TMEM140: variants seen among roughly 807,000 people sequenced by gnomAD.
TMEM140 encodes the protein transmembrane protein 140.
For missense variants in TMEM140, 236 were observed against 228.5 expected, an observed-to-expected ratio of 1.03 and a Z score of -0.21; for synonymous variants, 107 against 106.8, an observed-to-expected ratio of 1.00 and a Z score of -0.01.
In TMEM140 at chr7:135,161,769, C is replaced by T. The variant is rs1829945360; in HGVS notation, c.-24-2649C>T. 6.6e-6 allele frequency among the ~76,000 whole-genome samples: 1 copy of T among 152,210 alleles called. No homozygotes were observed. Among genetic ancestry groups the T allele is most frequent in the African/African-American group, 2.4e-5 (1 of 41,464 alleles). On this transcript the variant is annotated intron_variant, in intron 1 of 1. Transcript: ENST00000275767. The surrounding 1 kb of genome is among the most constrained non-coding windows in gnomAD (Gnocchi z 4.1). ...TCTTCAGACCCTTGGCCCTCTGGGA[C>T]CTCCAGAGCCTTTGACAGTGCCACC...
rs145425395 is a variant in TMEM140 at position 135,165,095 on chromosome 7, T to C, written c.*96T>C. 1.3e-4 allele frequency: 180 copies of C among 1,418,754 alleles called. No homozygotes were observed. The highest frequency in any genetic ancestry group is 1.6e-4 in the Non-Finnish European group (172 of 1,057,552). 87.9% of individuals were successfully genotyped at this position (1,418,754 alleles called of 1,614,324 possible). A position where few individuals can be genotyped will look rare whatever the true frequency, so the allele number is the denominator to read the frequency against. ...TTTACAGCTAACGCTGATCTCCAGCTCCAGCGATGGAACCCACTACAGAGG... is the reference window on the plus strand; with the variant it reads ...TTTACAGCTAACGCTGATCTCCAGCCCCAGCGATGGAACCCACTACAGAGG... On this transcript the variant is annotated 3_prime_UTR_variant, in exon 2 of 2. Coordinates refer to ENST00000275767, the MANE Select transcript of TMEM140 (RefSeq NM_018295.5).
At chr7:135,155,553 G>A (rs1040709117) in intron 1 of TMEM140, among the ~76,000 whole-genome samples, 1 of 152,162 alleles carries the variant, frequency 6.6e-6, no homozygotes, top group African/African-American at 2.4e-5. Flanking sequence ...TTTTGGCTGG[G>A]CATCGTGGCT....
At chr7:135,153,728 T>C (rs1202990305) in intron 1 of TMEM140, among the ~76,000 whole-genome samples, 1 of 152,170 alleles carries the variant, frequency 6.6e-6, no homozygotes, top group African/African-American at 2.4e-5. Flanking sequence ...TGATGTGCCA[T>C]TGGATTTGAT....
rs776967484 is a variant in TMEM140 at position 135,164,655 on chromosome 7, G to A, written c.214G>A (p.Ala72Thr). Residue 72 changes from alanine to threonine, a missense_variant, in exon 2 of 2, where the codon GCC becomes ACC. By Grantham distance (58) the Ala-to-Thr change is moderately conservative. Transcript: ENST00000275767. ...GTGTCACCAGTTCCCTGAGCTGGAA[G>A]CCCTGGGGGTGCCTCGGGTTGGCCT... is the stretch of plus-strand genomic sequence containing the variant. ...LQCHQFPELE[A>T]LGVPRVGLGL... is the part of the protein sequence containing the mutation. 3 of 1,613,264 alleles carry A rather than the reference G, an allele frequency of 1.9e-6. No homozygotes were observed. The highest frequency in any genetic ancestry group is 4.5e-5 in the East Asian group (2 of 44,824).
intron 1 of TMEM140, among the ~76,000 whole-genome samples, chr7:135,163,713 A>T (rs1231727984): frequency 2.0e-5 from 3 of 152,234 alleles, no homozygotes; most frequent in Non-Finnish European, 4.4e-5. Flanking sequence ...AGGAAAAAAT[A>T]TGTATTAGTT....
In TMEM140 at chr7:135,164,878, T is replaced by A; in HGVS notation, c.437T>A (p.Leu146His). 6.2e-7 allele frequency: 1 copy of A among 1,614,178 alleles called. No individual in the cohort carries two copies. Among genetic ancestry groups the A allele is most frequent in the Non-Finnish European group, 8.5e-7 (1 of 1,180,018 alleles). Residue 146 changes from leucine to histidine, a missense_variant, in exon 2 of 2, where the codon CTC (leucine) becomes CAC (histidine). Coordinates refer to ENST00000275767, the MANE Select transcript of TMEM140 (RefSeq NM_018295.5). ...SYVWKWVRLSLPGPGFLALGS... is the reference protein window; with the variant it reads ...SYVWKWVRLSHPGPGFLALGS... ...GTGTGGAAGTGGGTCAGGCTCTCCC[T>A]CCCGGGGCCTGGGTTTCTAGCTCTG...
In TMEM140 at chr7:135,164,775, G is replaced by A. The variant is rs765869187; in HGVS notation, c.334G>A (p.Ala112Thr). The A allele has an allele frequency of 6.2e-7, 1 of 1,614,230 alleles. No homozygotes were observed. Among genetic ancestry groups the A allele is most frequent in the Non-Finnish European group, 8.5e-7 (1 of 1,180,028 alleles). Residue 112 changes from alanine to threonine, a missense_variant, in exon 2 of 2, where the codon GCG (alanine) becomes ACG (threonine). Transcript: ENST00000275767. ...AGCCCAGTGCAACAGTGATGAGAGA[G>A]CGTGGCGGCTGGCAGTGGGCTTCCT... ...LLAQCNSDER[A>T]WRLAVGFLAV...
At chr7:135,162,336 C>A (rs1178754096) in intron 1 of TMEM140, among the ~76,000 whole-genome samples, 1 of 152,220 alleles carries the variant, frequency 6.6e-6, no homozygotes, top group Non-Finnish European at 1.5e-5. Flanking sequence ...TTCCAGGAGG[C>A]CATTTGGTAT....
chr7:135,153,286 T>G (rs1253107127), intron 1 of TMEM140, among the ~76,000 whole-genome samples: 1 of 151,788 alleles, frequency 6.6e-6, no homozygotes, highest in East Asian at 1.9e-4. Context: ...AAACCCTGTC[T>G]CTACTAAAAA....
chr7:135,155,910 C>G (rs1829780742), intron 1 of TMEM140, among the ~76,000 whole-genome samples: 1 of 152,186 alleles, frequency 6.6e-6, no homozygotes, highest in South Asian at 2.1e-4. Context: ...TGAGCATTTC[C>G]TGTAGTACCA....
At chr7:135,160,958 G>A (rs957416201) in intron 1 of TMEM140, among the ~76,000 whole-genome samples, 9 of 152,176 alleles carry the variant, frequency 5.9e-5, no homozygotes, top group Admixed American at 5.2e-4. Flanking sequence ...CTGAGGATGG[G>A]CAGATGGGAA....
intron 1 of TMEM140, among the ~76,000 whole-genome samples, chr7:135,155,933 C>A (rs886664034): frequency 6.6e-6 from 1 of 152,198 alleles, no homozygotes; most frequent in Non-Finnish European, 1.5e-5. Flanking sequence ...CTAGTGGTGA[C>A]AAATTCCCTC....
chr7:135,148,414 C>T (rs1277786962), intron 1 of TMEM140, 144 bp downstream of exon 1: 3 of 307,800 alleles, frequency 9.7e-6, no homozygotes, highest in African/African-American at 2.2e-5. Flanking sequence ...GACCCTCCCT[C>T]GCTCATGTCT....
At chr7:135,152,778 G>A (rs2348288) in intron 1 of TMEM140, 73,795 of 152,052 alleles carry the variant, frequency 0.49, 18,272 homozygotes, top group South Asian at 0.65. Context: ...TGGCTTACCT[G>A]TTTTTTCTTT....
intron 1 of TMEM140, among the ~76,000 whole-genome samples, chr7:135,162,651 TG>T (rs886619571): frequency 6.6e-6 from 1 of 152,150 alleles, no homozygotes; most frequent in African/African-American, 2.4e-5. Flanking sequence ...GAGTACAGTA[TG>T]GGGGAAACCC....
intron 1 of TMEM140, among the ~76,000 whole-genome samples, chr7:135,159,280 C>T (rs1294413883): frequency 6.6e-6 from 1 of 152,212 alleles, no homozygotes; most frequent in East Asian, 1.9e-4. Context: ...GTTTAGATAG[C>T]CATCTTGATC....
At position 135,160,431 on chromosome 7, in the gene TMEM140, G is replaced by C. The variant is rs117471925; in HGVS notation, c.-24-3987G>C. 1.8e-3 allele frequency among the ~76,000 whole-genome samples: 278 copies of C among 152,316 alleles called. 3 individuals carry two copies. Among genetic ancestry groups the C allele is most frequent in the Non-Finnish European group, 2.7e-3 (185 of 68,022 alleles). ...TAAGAAAAGAAAAACAAAAACCAGG[G>C]AAGGCCCATGGGGAAGTAGAGAAGA... On this transcript the variant is annotated intron_variant, in intron 1 of 1. Transcript: ENST00000275767.
chr7:135,150,861 C>CA (rs1829651766), intron 1 of TMEM140, among the ~76,000 whole-genome samples: 1 of 152,184 alleles, frequency 6.6e-6, no homozygotes, highest in Non-Finnish European at 1.5e-5. Flanking sequence ...CTCAAACAAA[C>CA]AAACAAATTA....
rs547183525 is a variant in TMEM140 at position 135,164,464 on chromosome 7, G to A, written c.23G>A (p.Trp8Ter). The A allele has an allele frequency of 1.3e-6, 2 of 1,599,284 alleles. No homozygotes were observed. The highest frequency in any genetic ancestry group is 4.5e-5 in the East Asian group (2 of 44,362). MAGPRPR[W>*]RDQLLFMSII... ...GAGATGGCCGGCCCAAGGCCTCGGT[G>A]GCGCGACCAGCTGCTGTTCATGAGC... The change falls in exon 2 of 2, where the codon TGG becomes TAG. Residue 8 changes from tryptophan (W) to a stop codon, truncating the protein, a stop_gained. Coordinates refer to ENST00000275767, the MANE Select transcript of TMEM140 (RefSeq NM_018295.5). LOFTEE classifies it low-confidence loss of function (END_TRUNC).
Sources: gnomAD v4.1 joint callset for allele counts (sites outside exome capture counted in the v4.1 genomes callset) on GRCh38, gnomAD v4.1.1 for gene constraint, Gnocchi (gnomAD v3.1) non-coding constraint, MANE v1.5 for transcripts, NCBI Gene and HGNC (gene_info 2026-07-23, HGNC 2026-07-21) for gene names.